The following CORIN variants were observed in gnomAD, a reference collection of about 807,000 sequenced individuals.
CORIN encodes corin, serine peptidase.
In CORIN, 117 loss-of-function variants were observed where a neutral mutation model predicts 125.3. The ratio of observed to expected loss-of-function variants is 0.93; its 90% CI spans 0.80 to 1.09. CORIN has a LOEUF of 1.09. CORIN is among the 50% of genes least tolerant of loss of function. The pLI is 0.00. For synonymous variants in CORIN, 450 were observed against 466.4 expected (o/e 0.96, Z 0.45); for missense variants, 1,253 against 1,306.7 (o/e 0.96, Z 0.63).
At chr4:47,735,963 A>T (rs1728115195) in intron 5 of CORIN, among the ~76,000 whole-genome samples, 3 of 151,326 alleles carry the variant, frequency 2.0e-5, no homozygotes, top group African/African-American at 7.3e-5. Flanking sequence ...AAAAAAAAAA[A>T]AAGAGGATAC....
At chr4:47,803,171 A>C (rs1010443227) in intron 2 of CORIN, among the ~76,000 whole-genome samples, 5 of 152,190 alleles carry the variant, frequency 3.3e-5, no homozygotes, top group African/African-American at 1.2e-4. Flanking sequence ...AGATCTTTAT[A>C]ATGAAAACTA....
Position 47,761,292 on chromosome 4 carries a change from A to G in CORIN, c.617+2087T>C, listed in dbSNP as rs546857308. Reference sequence around the variant, plus strand: ...TAGCTTTTCATTTAAAGTGAGAGATATGCCACTCTTCCCTTCACCTGAATA... The same window carrying G: ...TAGCTTTTCATTTAAAGTGAGAGATGTGCCACTCTTCCCTTCACCTGAATA... On this transcript the variant is annotated intron_variant, in intron 4 of 21. Coordinates refer to ENST00000273857, the MANE Select transcript of CORIN (RefSeq NM_006587.4). Among the ~76,000 whole-genome samples, 3 of 152,342 alleles carry G rather than the reference A, an allele frequency of 2.0e-5. No individual in the cohort carries two copies. In the South Asian group the frequency reaches 6.2e-4, roughly 32 times the overall value.
At chr4:47,631,512 G>A (rs1332351709) in intron 16 of CORIN, among the ~76,000 whole-genome samples, 1 of 151,972 alleles carries the variant, frequency 6.6e-6, no homozygotes, top group East Asian at 1.9e-4. Flanking sequence ...CCTCAGATGG[G>A]ACCATCTAGT....
At chr4:47,645,344 G>A (rs1723419064) in intron 13 of CORIN, 150 bp from the exon 14 acceptor site, 2 of 521,694 alleles carry the variant, frequency 3.8e-6, no homozygotes, top group South Asian at 4.4e-5. Flanking sequence ...GGGAGGCTGA[G>A]GTGGGCGGAT....
chr4:47,637,662 G>A (rs11933930), intron 16 of CORIN, among the ~76,000 whole-genome samples: 39,604 of 152,006 alleles, frequency 0.26, 5,340 homozygotes, highest in Admixed American at 0.35. Context: ...ACAGAAGTCA[G>A]GAATTGGGAT....
chr4:47,645,531 T>C (rs1458937529), intron 13 of CORIN, among the ~76,000 whole-genome samples: 3 of 151,632 alleles, frequency 2.0e-5, no homozygotes, highest in African/African-American at 7.3e-5. Context: ...ATTTTGAAAG[T>C]AGAAATAACC....
At chr4:47,669,847 G>A (rs1034764434) in intron 10 of CORIN, among the ~76,000 whole-genome samples, 1 of 152,158 alleles carries the variant, frequency 6.6e-6, no homozygotes, top group Non-Finnish European at 1.5e-5. Flanking sequence ...GGGATTACAG[G>A]CGTGAGCCAC....
chr4:47,824,977 C>T (rs1018656995), intron 1 of CORIN, among the ~76,000 whole-genome samples: 1 of 152,196 alleles, frequency 6.6e-6, no homozygotes, highest in Non-Finnish European at 1.5e-5. Context: ...GTGTTATCTG[C>T]TTACAGACTT....
At chr4:47,775,464 G>C (rs1053223770) in intron 3 of CORIN, among the ~76,000 whole-genome samples, 6 of 152,018 alleles carry the variant, frequency 3.9e-5, no homozygotes, top group Admixed American at 6.6e-5. Context: ...TGAGAACATG[G>C]GGTGTTTGGT....
chr4:47,783,712 T>C (rs1250156237), intron 3 of CORIN, among the ~76,000 whole-genome samples: 3 of 152,144 alleles, frequency 2.0e-5, no homozygotes, highest in African/African-American at 4.8e-5. Flanking sequence ...CATTAAATGA[T>C]ATTTTAAGTA....
intron 10 of CORIN, among the ~76,000 whole-genome samples, chr4:47,666,377 T>C (rs1724481060): frequency 6.6e-6 from 1 of 152,138 alleles, no homozygotes; most frequent in African/African-American, 2.4e-5. Flanking sequence ...GGGAGGAAAA[T>C]GTATCAGGGA....
intron 19 of CORIN, among the ~76,000 whole-genome samples, chr4:47,620,940 A>AT (rs1183163847): frequency 2.6e-5 from 4 of 152,204 alleles, no homozygotes; most frequent in African/African-American, 4.8e-5. Flanking sequence ...ATGAAATTGC[A>AT]TTTTTTTCCT....
intron 1 of CORIN, among the ~76,000 whole-genome samples, chr4:47,833,119 A>C (rs1733140185): frequency 7.6e-6 from 1 of 131,202 alleles, no homozygotes; most frequent in Non-Finnish European, 1.8e-5. Context: ...AATTACGAGC[A>C]AGAAAAAAAA....
chr4:47,645,093 C>T lies in CORIN; in HGVS notation c.1945G>A (p.Glu649Lys), dbSNP rs769638775. Residue 649 changes from glutamate (E) to lysine (K), a missense_variant, in exon 14 of 22, where the codon GAG becomes AAG. Coordinates refer to ENST00000273857, the MANE Select transcript of CORIN (RefSeq NM_006587.4). ...GFPDCPDYMD[E>K]KNCSFCQDDE... is the part of the protein sequence containing the mutation. The stretch of plus-strand genomic sequence containing the variant: ...CATAAGCACTTACAGCAGTTTTTCT[C>T]GTCCATGTAATCAGGGCAGTCTGGG... The T allele has an allele frequency of 5.4e-5, 87 of 1,600,504 alleles. No individual in the cohort carries two copies. Among genetic ancestry groups the T allele is most frequent in the Non-Finnish European group, 6.8e-5 (80 of 1,172,714 alleles).
chr4:47,743,705 C>T (rs1004537931), intron 5 of CORIN, among the ~76,000 whole-genome samples: 3 of 152,030 alleles, frequency 2.0e-5, no homozygotes, highest in Non-Finnish European at 4.4e-5. Flanking sequence ...GCCAACATGG[C>T]GAAACCATGT....
chr4:47,744,585 T>TAAAA lies in CORIN; in HGVS notation c.618-6_618-3dup. On this transcript the variant is annotated splice_polypyrimidine_tract_variant and splice_region_variant and intron_variant, in intron 4 of 21. Transcript: ENST00000273857. ...GACCTACAGGGCAGGAGTCCATGAC[T>TAAAA]AAAAAAAAAAAAAGAGAAAGGTGAA... 4 of 1,308,022 alleles carry TAAAA rather than the reference T, an allele frequency of 3.1e-6. No individual in the cohort carries two copies. The highest frequency in any genetic ancestry group is 1.5e-5 in the South Asian group (1 of 67,148). 81.0% of individuals were successfully genotyped at this position (1,308,022 alleles called of 1,614,324 possible).
In CORIN at chr4:47,619,890, A is replaced by G. The variant is rs1722236132; in HGVS notation, c.2540+3681T>C. On this transcript the variant is annotated intron_variant, in intron 19 of 21. Coordinates refer to ENST00000273857, the MANE Select transcript of CORIN (RefSeq NM_006587.4). ...GAGTTACAAATTAGGTCTGCAAAAG[A>G]CATCTGGAAACATCTGGCCCCTTCT... Among the ~76,000 whole-genome samples, 3 of 152,242 alleles carry G rather than the reference A, an allele frequency of 2.0e-5. No individual in the cohort carries two copies. In the South Asian group the frequency reaches 6.2e-4, roughly 32 times the overall value.
At chr4:47,671,636 G>C (rs2109690109) in intron 10 of CORIN, among the ~76,000 whole-genome samples, 1 of 152,264 alleles carries the variant, frequency 6.6e-6, no homozygotes, top group East Asian at 1.9e-4. Flanking sequence ...CCAGGCTGGA[G>C]TGCAGTGGCA....
chr4:47,598,280 G>A (rs551535664), intron 21 of CORIN, among the ~76,000 whole-genome samples: 54 of 152,116 alleles, frequency 3.5e-4, no homozygotes, highest in Non-Finnish European at 7.1e-4. Context: ...AGAGGTCTAA[G>A]TAGAAAAATT....
Sources: gnomAD v4.1 joint callset for allele counts (sites outside exome capture counted in the v4.1 genomes callset) on GRCh38, gnomAD v4.1.1 for gene constraint, MANE v1.5 for transcripts, NCBI Gene and HGNC (gene_info 2026-07-23, HGNC 2026-07-21) for gene names.